CPQ: variants seen among roughly 807,000 people sequenced by gnomAD.
CPQ encodes Ser-Met dipeptidase.
CPQ carries 37 observed loss-of-function variants against 45.7 expected under a neutral mutation model. The ratio of observed to expected loss-of-function variants is 0.81; its 90% CI spans 0.62 to 1.07. The LOEUF is 1.07. CPQ is among the 50% of genes least tolerant of loss of function. The probability of loss-of-function intolerance (pLI) is 0.00; values close to 1 mark genes in which losing one functional copy is unlikely to be tolerated. For missense variants in CPQ, 537 were observed against 572.9 expected, an observed-to-expected ratio of 0.94 and a Z score of 0.64; for synonymous variants, 186 against 205.8, an observed-to-expected ratio of 0.90 and a Z score of 0.82.
chr8:97,100,133 C>T (rs752652021), intron 7 of CPQ, among the ~76,000 whole-genome samples: 3 of 152,288 alleles, frequency 2.0e-5, no homozygotes, highest in Admixed American at 6.5e-5. Context: ...CCAACTGGAA[C>T]ATAAGTTCCA....
At chr8:96,955,299 G>A (rs1161163399) in intron 4 of CPQ, among the ~76,000 whole-genome samples, 15 of 152,134 alleles carry the variant, frequency 9.9e-5, no homozygotes, top group Admixed American at 9.2e-4. Context: ...TCTAACTGGT[G>A]TGAGATGGTA....
chr8:97,094,910 C>T (rs1811185693), intron 7 of CPQ, among the ~76,000 whole-genome samples: 1 of 152,136 alleles, frequency 6.6e-6, no homozygotes, highest in Non-Finnish European at 1.5e-5. Flanking sequence ...CCCAAGGACA[C>T]AAAGGTCCTC....
intron 1 of CPQ, among the ~76,000 whole-genome samples, chr8:96,718,480 G>A (rs552402487): frequency 6.6e-6 from 1 of 152,144 alleles, no homozygotes; most frequent in Non-Finnish European, 1.5e-5. Context: ...TGGGCTTGTG[G>A]TCTCGCTGGC....
intron 5 of CPQ, among the ~76,000 whole-genome samples, chr8:97,010,549 T>C (rs1458796734): frequency 1.3e-5 from 2 of 152,200 alleles, no homozygotes; most frequent in African/African-American, 4.8e-5. Flanking sequence ...CAGTAAATCC[T>C]GATTCTTTCT....
intron 3 of CPQ, among the ~76,000 whole-genome samples, chr8:96,874,105 G>T (rs970914075): frequency 6.6e-6 from 1 of 151,754 alleles, no homozygotes; most frequent in African/African-American, 2.4e-5. Context: ...TTGAAAAACT[G>T]ATTAAGACTT....
chr8:96,657,479 G>A (rs1037379444), intron 1 of CPQ, among the ~76,000 whole-genome samples: 1 of 152,124 alleles, frequency 6.6e-6, no homozygotes, highest in Non-Finnish European at 1.5e-5. Context: ...AGCTGTCTCC[G>A]TTTCTTTCTC....
chr8:97,048,814 T>C (rs1214547203), intron 6 of CPQ, among the ~76,000 whole-genome samples: 1 of 152,254 alleles, frequency 6.6e-6, no homozygotes, highest in East Asian at 1.9e-4. Flanking sequence ...CCCATTGGTT[T>C]CCAAAGAATT....
intron 6 of CPQ, chr8:97,056,484 A>G (rs1446033681): frequency 2.6e-5 from 4 of 152,240 alleles, no homozygotes; most frequent in Non-Finnish European, 5.9e-5. Flanking sequence ...CTGAGGTTCC[A>G]GAAGCCAAGG....
chr8:96,873,550 A>C (rs577084914), intron 3 of CPQ, among the ~76,000 whole-genome samples: 4 of 151,780 alleles, frequency 2.6e-5, no homozygotes, highest in Non-Finnish European at 5.9e-5. Context: ...GAGTTATTTT[A>C]AAGTTGATTT....
chr8:97,099,427 G>A (rs1249280623), intron 7 of CPQ, among the ~76,000 whole-genome samples: 1 of 151,520 alleles, frequency 6.6e-6, no homozygotes, highest in East Asian at 1.9e-4. Context: ...CACCATGCCT[G>A]GCCCCAAAAC....
chr8:96,668,592 TA>T (rs1280257540), intron 1 of CPQ, among the ~76,000 whole-genome samples: 9 of 152,228 alleles, frequency 5.9e-5, no homozygotes, highest in Admixed American at 1.3e-4. Flanking sequence ...AGTGTGTTGT[TA>T]AAAATTAACG....
chr8:96,755,528 T>A (rs1365997871), intron 1 of CPQ, among the ~76,000 whole-genome samples: 2 of 151,924 alleles, frequency 1.3e-5, no homozygotes, highest in African/African-American at 4.8e-5. Flanking sequence ...GATTAAAGAA[T>A]GTAGTCTATA....
intron 1 of CPQ, among the ~76,000 whole-genome samples, chr8:96,659,821 G>T (rs560320074): frequency 6.6e-6 from 1 of 152,130 alleles, no homozygotes; most frequent in East Asian, 1.9e-4. Flanking sequence ...AAGGGCTGTT[G>T]TGTCTATGAA....
chr8:96,921,132 A>G (rs986538610), intron 4 of CPQ, among the ~76,000 whole-genome samples: 17 of 152,214 alleles, frequency 1.1e-4, no homozygotes, highest in African/African-American at 3.9e-4. Context: ...ACACAAACAC[A>G]TAGCTGCTCA....
At chr8:97,012,425 G>GA (rs1027135994) in intron 5 of CPQ, among the ~76,000 whole-genome samples, 1 of 152,254 alleles carries the variant, frequency 6.6e-6, no homozygotes, top group African/African-American at 2.4e-5. Context: ...CTACACAGGG[G>GA]AAAAAAATTT....
At chr8:96,733,522 G>T (rs1258093555) in intron 1 of CPQ, among the ~76,000 whole-genome samples, 1 of 152,146 alleles carries the variant, frequency 6.6e-6, no homozygotes, top group Non-Finnish European at 1.5e-5. Context: ...ACGGTTAATA[G>T]TGAATACATG....
At chr8:96,995,818 C>G (rs1809170270) in intron 5 of CPQ, among the ~76,000 whole-genome samples, 1 of 151,954 alleles carries the variant, frequency 6.6e-6, no homozygotes, top group Non-Finnish European at 1.5e-5. Flanking sequence ...TGGATCCTCT[C>G]CCTCTTTCCA....
intron 6 of CPQ, among the ~76,000 whole-genome samples, chr8:97,034,370 T>C (rs1809960873): frequency 6.6e-6 from 1 of 152,204 alleles, no homozygotes. Flanking sequence ...CTTAAGAAAA[T>C]GCAAGTTCAC....
chr8:96,908,918 A>G (rs2130902934), intron 4 of CPQ, among the ~76,000 whole-genome samples: 1 of 152,250 alleles, frequency 6.6e-6, no homozygotes, highest in Middle Eastern at 3.4e-3. Context: ...AGCCTGCCCC[A>G]TCACCCAAGT....
Sources: gnomAD v4.1 joint callset for allele counts (sites outside exome capture counted in the v4.1 genomes callset) on GRCh38, gnomAD v4.1.1 for gene constraint, MANE v1.5 for transcripts, NCBI Gene and HGNC (gene_info 2026-07-23, HGNC 2026-07-21) for gene names.